The following DISC1 variants were observed in gnomAD, a reference collection of about 807,000 sequenced individuals.
DISC1 encodes disrupted in schizophrenia 1 protein.
In DISC1, 57 loss-of-function variants were observed where a neutral mutation model predicts 84.5. The ratio of observed to expected loss-of-function variants is 0.67; its 90% CI spans 0.55 to 0.84. DISC1 has a LOEUF of 0.84. Among genes scored for constraint, DISC1 ranks in the 40% least tolerant of loss-of-function variants. The pLI is 0.00. For missense variants in DISC1, 1,000 were observed against 1,057.8 expected (o/e 0.95, Z 0.76); for synonymous variants, 411 against 415.2 (o/e 0.99, Z 0.12).
intron 9 of DISC1, among the ~76,000 whole-genome samples, chr1:231,880,171 A>G (rs141951560): frequency 9.9e-5 from 15 of 152,142 alleles, no homozygotes; most frequent in South Asian, 2.1e-4. Context: ...AGGAAGAGAG[A>G]CCTGTATGTA....
chr1:231,636,903 G>C (rs1300052603), intron 1 of DISC1, among the ~76,000 whole-genome samples: 1 of 152,116 alleles, frequency 6.6e-6, no homozygotes, highest in Non-Finnish European at 1.5e-5. Flanking sequence ...TGTCATCTAG[G>C]TTTTAAGCCC....
intron 3 of DISC1, among the ~76,000 whole-genome samples, chr1:231,719,887 T>A (rs2069385556): frequency 2.0e-5 from 3 of 152,202 alleles, no homozygotes; most frequent in African/African-American, 7.2e-5. Flanking sequence ...AAAGTTATTT[T>A]CCGTCACAGC....
At chr1:231,791,201 T>C (rs192690085) in intron 6 of DISC1, among the ~76,000 whole-genome samples, 26 of 152,356 alleles carry the variant, frequency 1.7e-4, no homozygotes, top group Non-Finnish European at 2.9e-5. Flanking sequence ...ATTGATTATA[T>C]TGTACATTGA....
chr1:231,721,489 A>T (rs555874113), intron 3 of DISC1, among the ~76,000 whole-genome samples: 1 of 152,362 alleles, frequency 6.6e-6, no homozygotes, highest in African/African-American at 2.4e-5. Flanking sequence ...TCAAAACTGT[A>T]TCAAAAGATA....
intron 9 of DISC1, among the ~76,000 whole-genome samples, chr1:231,939,278 T>C (rs796930639): frequency 7.9e-5 from 12 of 152,366 alleles, no homozygotes; most frequent in Admixed American, 2.6e-4. Flanking sequence ...GTCATAGCTC[T>C]AGCTGTTAGA....
intron 9 of DISC1, among the ~76,000 whole-genome samples, chr1:231,868,988 G>A (rs886582439): frequency 5.9e-5 from 9 of 152,094 alleles, no homozygotes; most frequent in African/African-American, 2.2e-4. Context: ...AAGAGCAGGG[G>A]TATGTACTGT....
At chr1:231,691,553 T>A (rs1332953434) in intron 1 of DISC1, among the ~76,000 whole-genome samples, 1 of 152,250 alleles carries the variant, frequency 6.6e-6, no homozygotes, top group Non-Finnish European at 1.5e-5. Flanking sequence ...TTCTTTTAAC[T>A]TCAGAAGGGT....
intron 4 of DISC1, chr1:231,750,459 G>A (rs556396989): frequency 4.0e-6 from 4 of 1,005,488 alleles, no homozygotes; most frequent in South Asian, 4.4e-5. Context: ...CTGACCGAGC[G>A]ATGAAAATCC....
At chr1:231,779,549 GTTTT>G (rs762129889) in intron 6 of DISC1, among the ~76,000 whole-genome samples, 6 of 53,568 alleles carry the variant, frequency 1.1e-4, no homozygotes, top group African/African-American at 1.5e-4. Flanking sequence ...ACCTATTCTT[GTTTT>G]TTTTTTTTTT....
In DISC1 at chr1:231,749,924, A is replaced by G; in HGVS notation, c.1118-2A>G. The stretch of plus-strand genomic sequence containing the variant: ...CTCTCTCTCATCATTTTGGGTTTCC[A>G]GCTGAGACGTTACAACAAAGATTAG... On this transcript the variant is annotated splice_acceptor_variant, in intron 3 of 12. Coordinates refer to ENST00000439617, the MANE Select transcript of DISC1 (RefSeq NM_018662.3). LOFTEE classifies it high-confidence loss of function. The G allele has an allele frequency of 6.2e-7, 1 of 1,614,180 alleles. No individual in the cohort carries two copies. The highest frequency in any genetic ancestry group is 8.5e-7 in the Non-Finnish European group (1 of 1,180,026).
intron 10 of DISC1, among the ~76,000 whole-genome samples, chr1:231,960,681 T>G (rs1660269364): frequency 6.6e-6 from 1 of 152,182 alleles, no homozygotes; most frequent in African/African-American, 2.4e-5. Context: ...CATGAGGGTT[T>G]CTCCCCACCA....
chr1:232,027,758 T>C (rs1249810559), intron 12 of DISC1, among the ~76,000 whole-genome samples: 2 of 151,996 alleles, frequency 1.3e-5, no homozygotes, highest in East Asian at 3.9e-4. Flanking sequence ...GCTGTCTTAC[T>C]TTTTAGAATT....
At chr1:231,721,072 G>C (rs1234787442) in intron 3 of DISC1, 1 of 1,290,926 alleles carries the variant, frequency 7.7e-7, no homozygotes, top group Admixed American at 2.3e-5. Flanking sequence ...TCCAGAGCCA[G>C]GTCTGTCCTG....
At chr1:231,907,557 T>G (rs1222073690) in intron 9 of DISC1, among the ~76,000 whole-genome samples, 1 of 152,222 alleles carries the variant, frequency 6.6e-6, no homozygotes, top group Non-Finnish European at 1.5e-5. Flanking sequence ...GTGCCACATT[T>G]GCTTAATCCA....
In DISC1 at chr1:231,643,592, C is replaced by T. The variant is rs762564998; in HGVS notation, c.67+16658C>T. 6.6e-5 allele frequency among the ~76,000 whole-genome samples: 10 copies of T among 152,292 alleles called. No individual in the cohort carries two copies. The East Asian group carries it at 9.6e-4, about 15-fold the overall frequency. ...CATACAGTTTCTGCCTCACTGTAGG[C>T]GCTCAATATTATTATTGAGGAGCTA... On this transcript the variant is annotated intron_variant, in intron 1 of 12. Coordinates refer to ENST00000439617, the MANE Select transcript of DISC1 (RefSeq NM_018662.3).
rs1303387082 is a variant in DISC1, at chr1:231,694,129, G to A, written c.371G>A (p.Gly124Asp). ...TSAHFGIQLR[G>D]GTRLPDRLSW... ...GCGCACTTTGGGATTCAGCTCAGAG[G>A]TGGCACCAGATTGCCTGACAGGCTT... Residue 124 changes from glycine (G) to aspartate (D), a missense_variant, in exon 2 of 13, where the codon GGT (glycine) becomes GAT (aspartate). Physicochemically the swap from Gly to Asp is moderately conservative, Grantham distance 94 (BLOSUM62 -1). This residue lies in a region of DISC1 where 292 missense variants were observed against 280.2 expected (regional missense o/e 1.04). Transcript: ENST00000439617. The A allele has an allele frequency of 1.9e-6, 3 of 1,614,182 alleles. No homozygotes were observed. In the East Asian group the frequency reaches 6.7e-5, roughly 36 times the overall value.
At position 231,981,956 on chromosome 1, in the gene DISC1, G is replaced by A. The variant is rs541774892; in HGVS notation, c.2042+23068G>A. Among the ~76,000 whole-genome samples the A allele has an allele frequency of 1.2e-4, 19 of 152,138 alleles. No homozygotes were observed. In the South Asian group the frequency reaches 3.9e-3, roughly 32 times the overall value. On this transcript the variant is annotated intron_variant, in intron 10 of 12. Coordinates refer to ENST00000439617, the MANE Select transcript of DISC1 (RefSeq NM_018662.3). ...GTTGGTATGTAGAGAAGTGGGGAGA[G>A]GTTTGATGAAAAGCAGTGTGTTAGA...
At chr1:231,882,039 C>A (rs1236355606) in intron 9 of DISC1, among the ~76,000 whole-genome samples, 1 of 152,236 alleles carries the variant, frequency 6.6e-6, no homozygotes, top group Non-Finnish European at 1.5e-5. Context: ...CATCTCCACT[C>A]CTCCCTGCTG....
rs114123496 is a variant in DISC1, at chr1:231,931,570, G to A, written c.1982-27258G>A. On this transcript the variant is annotated intron_variant, in intron 9 of 12. Transcript: ENST00000439617. ...TAAGAAGTGTGAGCACAGAATATGTGTGCTGTTCTGACACATGATGACCCT... is the reference window on the plus strand; with the variant it reads ...TAAGAAGTGTGAGCACAGAATATGTATGCTGTTCTGACACATGATGACCCT... Among the ~76,000 whole-genome samples the A allele has an allele frequency of 3.2e-3, 489 of 152,122 alleles. 2 individuals carry two copies. Among genetic ancestry groups the A allele is most frequent in the African/African-American group, 0.011 (475 of 41,490 alleles).
Sources: allele counts gnomAD v4.1 joint callset (sites outside exome capture counted in the v4.1 genomes callset), GRCh38; gene constraint gnomAD v4.1.1; regional missense constraint gnomAD v4.1.1; transcripts MANE v1.5; gene names NCBI Gene and HGNC (gene_info 2026-07-23, HGNC 2026-07-21).